NEK10: variants seen among roughly 807,000 people sequenced by gnomAD.
The protein encoded by NEK10 is serine/threonine-protein kinase Nek10.
NEK10 carries 122 observed loss-of-function variants against 159.8 expected under a neutral mutation model. That is an observed-to-expected ratio of 0.76 (90% CI 0.66 to 0.89). The LOEUF (loss-of-function observed/expected upper bound fraction) is 0.89. NEK10 is among the 40% of genes least tolerant of loss of function. The pLI, the probability that NEK10 is intolerant of heterozygous loss-of-function variation, is 0.00. For synonymous variants in NEK10, 466 were observed against 457.1 expected (o/e 1.02, Z -0.25); for missense variants, 1,342 against 1,323.1 (o/e 1.01, Z -0.22).
chr3:27,159,764 G>A (rs1295274286), intron 30 of NEK10, among the ~76,000 whole-genome samples: 1 of 151,904 alleles, frequency 6.6e-6, no homozygotes, highest in Non-Finnish European at 1.5e-5. Context: ...TTCTAGAAGA[G>A]TTTGGAGGTA....
chr3:27,287,840 A>T, intron 19 of NEK10, 97 bp from the exon 20 acceptor site: 1 of 1,218,740 alleles, frequency 8.2e-7, no homozygotes, highest in Non-Finnish European at 1.1e-6. Flanking sequence ...AAAACTACAA[A>T]GAAATTATAT....
At chr3:27,260,701 C>A (rs1449023198) in intron 22 of NEK10, among the ~76,000 whole-genome samples, 8 of 152,142 alleles carry the variant, frequency 5.3e-5, no homozygotes, top group Non-Finnish European at 7.3e-5. Flanking sequence ...TGTGTCTCTG[C>A]CAGGCTTTGG....
intron 22 of NEK10, among the ~76,000 whole-genome samples, chr3:27,260,703 A>C (rs368936312): frequency 1.3e-5 from 2 of 152,324 alleles, no homozygotes; most frequent in Admixed American, 6.5e-5. Flanking sequence ...TGTCTCTGCC[A>C]GGCTTTGGTA....
In NEK10 at chr3:27,115,972, C is replaced by T; in HGVS notation, c.3267G>A (p.Glu1089=). The T allele has an allele frequency of 6.2e-7, 1 of 1,613,038 alleles. No individual in the cohort carries two copies. Among genetic ancestry groups the T allele is most frequent in the East Asian group, 2.2e-5 (1 of 44,758 alleles). Residue 1089 remains glutamate (E), a synonymous_variant, in exon 35 of 36, where the codon GAG becomes GAA. Transcript: ENST00000691995. ...ATGTAAAATTGTAATAGCCACTTTC[C>T]TCAAGGACTTCTTCAATCACAGTCT... ...QMQTVIEEVL[E]ESGYYNFTSN...
chr3:27,331,707 A>G (rs968804040), intron 5 of NEK10, among the ~76,000 whole-genome samples: 2 of 152,180 alleles, frequency 1.3e-5, no homozygotes, highest in African/African-American at 4.8e-5. Context: ...TAACTATATT[A>G]ATCCTCTTGG....
chr3:27,256,985 G>A (rs951249489), intron 22 of NEK10, among the ~76,000 whole-genome samples: 3 of 142,930 alleles, frequency 2.1e-5, no homozygotes, highest in South Asian at 2.2e-4. Flanking sequence ...GTGCGATCTC[G>A]GCTCACTGAA....
At chr3:27,246,926 G>A (rs1485374763) in intron 23 of NEK10, among the ~76,000 whole-genome samples, 1 of 152,156 alleles carries the variant, frequency 6.6e-6, no homozygotes. Context: ...GTATAGAAAT[G>A]CTACTGCTTT....
intron 23 of NEK10, chr3:27,215,928 C>T (rs554747967): frequency 1.6e-6 from 1 of 627,258 alleles, no homozygotes; most frequent in Admixed American, 2.4e-5. Flanking sequence ...GAGAACAGCA[C>T]CAAGGGAGAA....
intron 23 of NEK10, among the ~76,000 whole-genome samples, chr3:27,249,496 A>G (rs1318921834): frequency 6.6e-6 from 1 of 151,964 alleles, no homozygotes. Flanking sequence ...CTCTTCTTAC[A>G]GTTTTTGTCT....
intron 30 of NEK10, among the ~76,000 whole-genome samples, chr3:27,151,737 G>T (rs1318714942): frequency 6.6e-6 from 1 of 152,162 alleles, no homozygotes; most frequent in Non-Finnish European, 1.5e-5. Flanking sequence ...GTGAAGCCCA[G>T]TGCAAGGAAA....
intron 22 of NEK10, among the ~76,000 whole-genome samples, chr3:27,258,955 T>G (rs1034374229): frequency 3.3e-5 from 5 of 152,226 alleles, no homozygotes; most frequent in Admixed American, 6.5e-5. Context: ...TGATTTGCAT[T>G]TCTCTGATGG....
chr3:27,191,972 C>G (rs1949154815), intron 26 of NEK10, 57 bp downstream of exon 26: 1 of 1,478,082 alleles, frequency 6.8e-7, no homozygotes, highest in Non-Finnish European at 9.4e-7. Context: ...CAAGCATGAA[C>G]AACTTCAGAC....
chr3:27,141,590 T>C lies in NEK10; in HGVS notation c.2870-8A>G. 11 of 1,601,814 alleles carry C rather than the reference T, an allele frequency of 6.9e-6. 1 individual carries two copies. The South Asian group carries it at 1.2e-4, about 18-fold the overall frequency. ...CAGCAATTCCTGCTGATGCTGTGGG[T>C]GATAAATTTTGTAGTTAGTCAAGTT... is the stretch of plus-strand genomic sequence containing the variant. On this transcript the variant is annotated splice_polypyrimidine_tract_variant and splice_region_variant and intron_variant, in intron 30 of 35. Coordinates refer to ENST00000691995, the MANE Select transcript of NEK10 (RefSeq NM_001394966.1).
Position 27,258,905 on chromosome 3 carries a change from G to T in NEK10, c.2015-2534C>A, listed in dbSNP as rs1042278676. Among the ~76,000 whole-genome samples the T allele has an allele frequency of 1.2e-4, 19 of 152,158 alleles. 1 individual carries two copies. The South Asian group carries it at 3.9e-3, about 32-fold the overall frequency. ...GTTGTTTCCTGACTTTTTAATGATC[G>T]TCATTCTAACTGGTGTGAGATGGTA... On this transcript the variant is annotated intron_variant, in intron 22 of 35. Coordinates refer to ENST00000691995, the MANE Select transcript of NEK10 (RefSeq NM_001394966.1).
intron 5 of NEK10, among the ~76,000 whole-genome samples, chr3:27,333,095 T>C (rs1329870786): frequency 6.6e-6 from 1 of 152,006 alleles, no homozygotes; most frequent in African/African-American, 2.4e-5. Context: ...TGGCAGGCAA[T>C]ACCTAAAGTA....
At chr3:27,310,162 C>G (rs1271445649) in intron 9 of NEK10, 1 of 152,108 alleles carries the variant, frequency 6.6e-6, no homozygotes, top group Admixed American at 6.5e-5. Context: ...ATCCTTTCCT[C>G]TTTTTCTTCT....
chr3:27,214,696 C>G, intron 23 of NEK10: 2 of 645,534 alleles, frequency 3.1e-6, no homozygotes, highest in Non-Finnish European at 2.9e-6. Flanking sequence ...AACATTGTTA[C>G]AGAAGAATGG....
chr3:27,359,024 A>T (rs1184832944), intron 1 of NEK10, among the ~76,000 whole-genome samples: 1 of 152,186 alleles, frequency 6.6e-6, no homozygotes, highest in Non-Finnish European at 1.5e-5. Flanking sequence ...CAACATGGTG[A>T]AACACCGTCT....
intron 23 of NEK10, among the ~76,000 whole-genome samples, chr3:27,253,525 G>A (rs149632727): frequency 6.6e-6 from 1 of 152,298 alleles, no homozygotes; most frequent in African/African-American, 2.4e-5. Context: ...TTCTGTTCTA[G>A]TACAATCGGT....
Sources: allele counts gnomAD v4.1 joint callset (sites outside exome capture counted in the v4.1 genomes callset), GRCh38; gene constraint gnomAD v4.1.1; transcripts MANE v1.5; gene names NCBI Gene and HGNC (gene_info 2026-07-23, HGNC 2026-07-21).